Variants in PPCDC observed in about 807,000 individuals in gnomAD.
PPCDC encodes the protein phosphopantothenoylcysteine decarboxylase.
Under a neutral mutation model 20.7 loss-of-function variants are expected in PPCDC, and 20 were observed. That is an observed-to-expected ratio of 0.97 (90% CI 0.68 to 1.41). PPCDC has a LOEUF of 1.41. Ranked by LOEUF, PPCDC falls within the 40% of genes most tolerant of loss-of-function variation. PPCDC has a pLI of 0.00. For missense variants in PPCDC, 246 were observed against 263.8 expected, an observed-to-expected ratio of 0.93 and a Z score of 0.47; for synonymous variants, 88 against 100.3, an observed-to-expected ratio of 0.88 and a Z score of 0.73.
chr15:75,029,507 G>A (rs936632266), intron 2 of PPCDC, among the ~76,000 whole-genome samples: 4 of 152,236 alleles, frequency 2.6e-5, no homozygotes, highest in African/African-American at 4.8e-5. Flanking sequence ...CATCAGCTGG[G>A]GCTGGGCTGG....
chr15:75,043,583 C>A (rs2141496122), intron 3 of PPCDC, 47 bp downstream of exon 3: 5 of 1,452,118 alleles, frequency 3.4e-6, no homozygotes, highest in Non-Finnish European at 2.9e-6. Flanking sequence ...TTTCCACCAG[C>A]AGGACAGAAC....
At position 75,032,724 on chromosome 15, in the gene PPCDC, A is replaced by ACCCCC. The variant is rs71434252; in HGVS notation, c.135+4278_135+4282dup. 7.7e-4 allele frequency among the ~76,000 whole-genome samples: 74 copies of ACCCCC among 96,690 alleles called. 3 individuals are homozygous for ACCCCC. Among genetic ancestry groups the ACCCCC allele is most frequent in the Middle Eastern group, 6.9e-3 (1 of 144 alleles). 63.4% of individuals were successfully genotyped at this position (96,690 alleles called of 152,430 possible). On this transcript the variant is annotated intron_variant, in intron 2 of 5. Coordinates refer to ENST00000342932, the MANE Select transcript of PPCDC (RefSeq NM_021823.5). ...CAGGGTGTAGGAGCTAGCAAACTGG[A>ACCCCC]CCCCCCCCCCCAAGGCCAAATTCGG...
intron 2 of PPCDC, among the ~76,000 whole-genome samples, chr15:75,042,270 C>T (rs2066161925): frequency 6.6e-6 from 1 of 152,090 alleles, no homozygotes; most frequent in Admixed American, 6.6e-5. Context: ...CATTGGTTTC[C>T]CCCAAAGATG....
Position 75,048,708 on chromosome 15 carries a change from G to A in PPCDC, c.516G>A (p.Val172=). 1.9e-6 allele frequency: 3 copies of A among 1,614,136 alleles called. No individual in the cohort carries two copies. The South Asian group carries it at 3.3e-5, about 18-fold the overall frequency. Residue 172 remains valine, a synonymous_variant, in exon 5 of 6, where the codon GTG becomes GTA. Transcript: ENST00000342932. ...TCCCCTGTGTGGCCAAGAAGCTGGT[G>A]TGCGGAGATGAAGGTGGGTGTCTTG... ...VEIPCVAKKL[V]CGDEGLGAMA... is the part of the protein sequence containing the mutation.
intron 4 of PPCDC, among the ~76,000 whole-genome samples, chr15:75,048,199 G>A (rs983387667): frequency 3.3e-5 from 5 of 152,198 alleles, no homozygotes; most frequent in African/African-American, 1.2e-4. Context: ...GAGCAGCCTG[G>A]TCCTTTGCTT....
At chr15:75,041,823 G>A (rs900452701) in intron 2 of PPCDC, among the ~76,000 whole-genome samples, 10 of 152,166 alleles carry the variant, frequency 6.6e-5, no homozygotes, top group African/African-American at 2.4e-4. Flanking sequence ...TTTGTTCCTA[G>A]GCGCTGTGCC....
intron 2 of PPCDC, among the ~76,000 whole-genome samples, chr15:75,036,917 C>T (rs1197113335): frequency 6.6e-6 from 1 of 152,064 alleles, no homozygotes; most frequent in Non-Finnish European, 1.5e-5. Flanking sequence ...GCAATCCGCC[C>T]GTCTCTGCCT....
At chr15:75,046,439 C>T (rs896825513) in intron 4 of PPCDC, among the ~76,000 whole-genome samples, 2 of 152,248 alleles carry the variant, frequency 1.3e-5, no homozygotes, top group Non-Finnish European at 2.9e-5. Context: ...GCCAGCTCTG[C>T]AAGGGCGCTT....
At chr15:75,047,297 G>A (rs756111987) in intron 4 of PPCDC, among the ~76,000 whole-genome samples, 5 of 152,206 alleles carry the variant, frequency 3.3e-5, no homozygotes, top group South Asian at 2.1e-4. Flanking sequence ...CTCATAGCCC[G>A]GCTGCCGTAT....
chr15:75,035,200 A>G (rs1208479881), intron 2 of PPCDC, among the ~76,000 whole-genome samples: 1 of 152,030 alleles, frequency 6.6e-6, no homozygotes, highest in African/African-American at 2.4e-5. Flanking sequence ...GTGGTTCTCA[A>G]CGGGGGTGAT....
chr15:75,035,821 G>T (rs2066077726), intron 2 of PPCDC, among the ~76,000 whole-genome samples: 1 of 152,084 alleles, frequency 6.6e-6, no homozygotes, highest in African/African-American at 2.4e-5. Flanking sequence ...ACAAAAATTA[G>T]CTGGGCGTGG....
In PPCDC at chr15:75,049,844, C is replaced by T. The variant is rs1397174588; in HGVS notation, c.*609C>T. 6.6e-6 allele frequency: 1 copy of T among 152,478 alleles called. No individual in the cohort carries two copies. Among genetic ancestry groups the T allele is most frequent in the Non-Finnish European group, 1.5e-5 (1 of 68,280 alleles). 9.4% of individuals were successfully genotyped at this position (152,478 alleles called of 1,614,324 possible). A position where few individuals can be genotyped will look rare whatever the true frequency, so the allele number is the denominator to read the frequency against. On this transcript the variant is annotated 3_prime_UTR_variant, in exon 6 of 6. Transcript: ENST00000342932. ...GGTCTGGGTTCACAACTCACCGGCA[C>T]TCTTTAGTCCCCGTATAACATGGTG...
intron 3 of PPCDC, among the ~76,000 whole-genome samples, chr15:75,044,132 G>A (rs535868929): frequency 7.1e-4 from 105 of 148,024 alleles, no homozygotes; most frequent in Admixed American, 3.2e-3. Context: ...CCTGCCAGAT[G>A]TCAGTTCTCT....
At chr15:75,030,694 G>C (rs1005462112) in intron 2 of PPCDC, among the ~76,000 whole-genome samples, 1 of 152,140 alleles carries the variant, frequency 6.6e-6, no homozygotes, top group Non-Finnish European at 1.5e-5. Context: ...GTCACTTTCA[G>C]CTCTTCACCT....
intron 5 of PPCDC, 133 bp from the exon 6 acceptor site, chr15:75,049,017 C>A: frequency 2.2e-6 from 2 of 895,886 alleles, no homozygotes; most frequent in African/African-American, 1.7e-5. Flanking sequence ...TCTGATGTGT[C>A]TGGCTCAGGC....
chr15:75,029,244 G>A (rs577323355), intron 2 of PPCDC, among the ~76,000 whole-genome samples: 76 of 152,296 alleles, frequency 5.0e-4, no homozygotes, highest in Non-Finnish European at 9.1e-4. Context: ...TCTGTGCAAA[G>A]CCTTCCCTGT....
chr15:75,029,893 A>G (rs2066001474), intron 2 of PPCDC, among the ~76,000 whole-genome samples: 1 of 152,146 alleles, frequency 6.6e-6, no homozygotes, highest in Admixed American at 6.5e-5. Context: ...TATCCCAGGA[A>G]ACAGATGGGC....
chr15:75,030,487 G>T (rs1259810925), intron 2 of PPCDC, among the ~76,000 whole-genome samples: 1 of 152,234 alleles, frequency 6.6e-6, no homozygotes, highest in Non-Finnish European at 1.5e-5. Context: ...TCTGCAGGGA[G>T]ACAGCTCTCC....
At chr15:75,048,873 G>A in intron 5 of PPCDC, 152 bp downstream of exon 5, 1 of 1,158,646 alleles carries the variant, frequency 8.6e-7, no homozygotes, top group Non-Finnish European at 1.2e-6. Flanking sequence ...CGTAATTCCT[G>A]CCTCCAGATT....
Sources: allele counts gnomAD v4.1 joint callset (sites outside exome capture counted in the v4.1 genomes callset), GRCh38; gene constraint gnomAD v4.1.1; transcripts MANE v1.5; gene names NCBI Gene and HGNC (gene_info 2026-07-23, HGNC 2026-07-21).